AKR1B15: variants seen among roughly 807,000 people sequenced by gnomAD.
AKR1B15 encodes the protein estradiol 17-beta-dehydrogenase AKR1B15.
In AKR1B15, 49 loss-of-function variants were observed where a neutral mutation model predicts 38.5. The observed-to-expected ratio is 1.27, with a 90% CI of 1.01 to 1.62. The LOEUF is 1.62. Among genes scored for constraint, AKR1B15 ranks in the 40% most tolerant of loss-of-function variants. The pLI, the probability that AKR1B15 is intolerant of heterozygous loss-of-function variation, is 0.00. For missense variants in AKR1B15, 411 were observed against 381.6 expected, an observed-to-expected ratio of 1.08 and a Z score of -0.64; for synonymous variants, 137 against 135.5, an observed-to-expected ratio of 1.01 and a Z score of -0.08.
At chr7:134,576,863 C>G (rs1340498910) in intron 9 of AKR1B15, 100 bp from the exon 10 acceptor site, 1 of 1,144,934 alleles carries the variant, frequency 8.7e-7, no homozygotes, top group African/African-American at 1.5e-5. Flanking sequence ...GCGATTGTAC[C>G]TGAAGCCACA....
intron 2 of AKR1B15, among the ~76,000 whole-genome samples, chr7:134,561,165 G>A (rs1421258122): frequency 1.3e-5 from 2 of 152,174 alleles, no homozygotes; most frequent in East Asian, 3.9e-4. Context: ...GGTGCCCCAT[G>A]TGCAGATCCA....
chr7:134,556,566 C>T (rs1166729951), intron 1 of AKR1B15, among the ~76,000 whole-genome samples, 170 bp from the exon 2 acceptor site: 4 of 152,256 alleles, frequency 2.6e-5, no homozygotes, highest in East Asian at 1.9e-4. Flanking sequence ...AGTCTCCTAC[C>T]AGGCACCCAA....
intron 11 of AKR1B15, among the ~76,000 whole-genome samples, chr7:134,579,059 T>C (rs1794824499): frequency 6.6e-6 from 1 of 152,208 alleles, no homozygotes; most frequent in African/African-American, 2.4e-5. Context: ...ACCTATAAAG[T>C]AGGATGATAA....
At chr7:134,570,038 GA>G (rs1794634492) in intron 5 of AKR1B15, 1 of 153,786 alleles carries the variant, frequency 6.5e-6, no homozygotes, top group African/African-American at 2.4e-5. Flanking sequence ...AAGAAAATAG[GA>G]GAAATATTGC....
At chr7:134,573,538 G>A (rs1465443675) in intron 6 of AKR1B15, 14 of 985,256 alleles carry the variant, frequency 1.4e-5, no homozygotes, top group East Asian at 1.1e-4. Context: ...GCTTGAATAC[G>A]TAAGCATTGG....
intron 2 of AKR1B15, among the ~76,000 whole-genome samples, chr7:134,560,325 A>G (rs920162695): frequency 1.3e-5 from 2 of 152,136 alleles, no homozygotes; most frequent in Admixed American, 6.5e-5. Context: ...CGGAAAACAC[A>G]TAAAGAGGGT....
intron 4 of AKR1B15, 148 bp from the exon 5 acceptor site, chr7:134,569,265 C>G (rs1794612580): frequency 1.1e-6 from 1 of 887,622 alleles, no homozygotes; most frequent in Non-Finnish European, 1.7e-6. Flanking sequence ...TGGCGATCTT[C>G]CACACTGCAT....
chr7:134,572,434 C>T (rs1282684666), intron 6 of AKR1B15, among the ~76,000 whole-genome samples: 1 of 152,118 alleles, frequency 6.6e-6, no homozygotes, highest in African/African-American at 2.4e-5. Flanking sequence ...TGAGACCAGT[C>T]TGGCTAGCAG....
In AKR1B15 at chr7:134,564,593, T is replaced by G; in HGVS notation, c.-22-5T>G. On this transcript the variant is annotated splice_region_variant and splice_polypyrimidine_tract_variant and intron_variant, in intron 2 of 11. Coordinates refer to ENST00000457545, the MANE Select transcript of AKR1B15 (RefSeq NM_001080538.3). ...TAACCTCCTTGTCAAATTTGTTTCC[T>G]CTAGGATCGAGGCCATCAAGCTACA... 1.4e-6 allele frequency: 1 copy of G among 692,842 alleles called. No individual in the cohort carries two copies. The highest frequency in any genetic ancestry group is 2.7e-5 in the East Asian group (1 of 36,948). 42.9% of individuals were successfully genotyped at this position (692,842 alleles called of 1,614,324 possible).
At chr7:134,570,503 A>C (rs1033379049) in intron 5 of AKR1B15, 3 of 152,130 alleles carry the variant, frequency 2.0e-5, no homozygotes, top group African/African-American at 7.2e-5. Flanking sequence ...ACCTGCCGAA[A>C]CGTGATGTCT....
intron 1 of AKR1B15, among the ~76,000 whole-genome samples, chr7:134,550,443 T>C (rs1398217176): frequency 6.6e-6 from 1 of 152,094 alleles, no homozygotes; most frequent in African/African-American, 2.4e-5. Context: ...GACACCAAAG[T>C]TATTTGGGAT....
rs893728555 is a variant in AKR1B15 at position 134,549,130 on chromosome 7, G to A, written c.-266G>A. On this transcript the variant is annotated 5_prime_UTR_variant, in exon 1 of 12. Transcript: ENST00000457545. ...TCCCCAGACAGACAGCTGGCTTACA[G>A]GGCCACCTGAAGACGTTCCAGGGCT... is the stretch of plus-strand genomic sequence containing the variant. The A allele has an allele frequency of 5.9e-5, 9 of 152,484 alleles. No individual in the cohort carries two copies. Among genetic ancestry groups the A allele is most frequent in the African/African-American group, 2.2e-4 (9 of 41,462 alleles). The allele number at this position is 152,484 out of a possible 1,614,324, so 9.4% of individuals were successfully genotyped here.
At chr7:134,577,842 A>C in intron 11 of AKR1B15, 56 bp downstream of exon 11, 1 of 1,580,284 alleles carries the variant, frequency 6.3e-7, no homozygotes, top group Non-Finnish European at 8.7e-7. Flanking sequence ...AAACTGGTAG[A>C]GGGTTAGTTG....
Position 134,564,676 on chromosome 7 carries a change from C to T in AKR1B15, c.57C>T (p.Pro19=). The T allele has an allele frequency of 1.4e-6, 1 of 699,704 alleles. No homozygotes were observed. Among genetic ancestry groups the T allele is most frequent in the Non-Finnish European group, 2.6e-6 (1 of 384,270 alleles). 43.3% of individuals were successfully genotyped at this position (699,704 alleles called of 1,614,324 possible). A position where few individuals can be genotyped will look rare whatever the true frequency, so the allele number is the denominator to read the frequency against. The change falls in exon 3 of 12, where the codon CCC becomes CCT. Residue 19 remains proline, a synonymous_variant. Coordinates refer to ENST00000457545, the MANE Select transcript of AKR1B15 (RefSeq NM_001080538.3). ...CAACTAACAACTTCCACCAAGGACC[C>T]CTGGACCAACCCGTTGGCCCTTTGA... The part of the protein sequence containing the change: ...VNSTNNFHQG[P]LDQPVGPLTG...
chr7:134,573,280 C>T (rs1012602902), intron 6 of AKR1B15: 2 of 775,552 alleles, frequency 2.6e-6, no homozygotes, highest in Non-Finnish European at 3.1e-6. Context: ...ATCCACCCGT[C>T]TCAGCCTCCC....
intron 5 of AKR1B15, among the ~76,000 whole-genome samples, chr7:134,570,946 C>T (rs937478125): frequency 2.0e-5 from 3 of 152,194 alleles, no homozygotes; most frequent in African/African-American, 7.2e-5. Flanking sequence ...TCCCAGGAAA[C>T]CTCTTGGGTT....
At chr7:134,577,135 ACTGTCTTTGGCCC>A in intron 10 of AKR1B15, 89 bp downstream of exon 10, 2 of 1,350,676 alleles carry the variant, frequency 1.5e-6, no homozygotes, top group South Asian at 2.4e-5. Flanking sequence ...TCATCCCTGC[ACTGTCTTTGGCCC>A]CCTCCTTCCC....
Position 134,568,139 on chromosome 7 carries a change from C to T in AKR1B15, c.151-19C>T. The T allele has an allele frequency of 1.2e-6, 2 of 1,613,690 alleles. No individual in the cohort carries two copies. Among genetic ancestry groups the T allele is most frequent in the Non-Finnish European group, 1.7e-6 (2 of 1,179,862 alleles). On this transcript the variant is annotated intron_variant, in intron 3 of 11. Coordinates refer to ENST00000457545, the MANE Select transcript of AKR1B15 (RefSeq NM_001080538.3). ...AAAAAAAAAATACATGTGTGATGGGCTTTTCTTTTGCTTTTCAGTCTCTTC... is the reference window on the plus strand; with the variant it reads ...AAAAAAAAAATACATGTGTGATGGGTTTTTCTTTTGCTTTTCAGTCTCTTC...
intron 2 of AKR1B15, among the ~76,000 whole-genome samples, chr7:134,558,240 G>A (rs79050777): frequency 3.0e-3 from 460 of 152,272 alleles, no homozygotes; most frequent in Admixed American, 4.9e-3. Context: ...AGGAAATTGC[G>A]CCTTGGTGGA....
Sources: allele counts gnomAD v4.1 joint callset (sites outside exome capture counted in the v4.1 genomes callset), GRCh38; gene constraint gnomAD v4.1.1; transcripts MANE v1.5; gene names NCBI Gene and HGNC (gene_info 2026-07-23, HGNC 2026-07-21).